The following VWA3B variants were observed in gnomAD, a reference collection of about 807,000 sequenced individuals.
VWA3B encodes the protein von Willebrand factor A domain containing 3B.
Under a neutral mutation model 158.3 loss-of-function variants are expected in VWA3B, and 138 were observed. The ratio of observed to expected loss-of-function variants is 0.87; its 90% CI spans 0.76 to 1.00. VWA3B has a LOEUF of 1.00. Ranked by LOEUF, VWA3B falls within the 50% of genes least tolerant of loss-of-function variation. The probability of loss-of-function intolerance (pLI) is 0.00; values close to 1 mark genes in which losing one functional copy is unlikely to be tolerated. For synonymous variants in VWA3B, 596 were observed against 587.3 expected (o/e 1.01, Z -0.21); for missense variants, 1,555 against 1,565.1 (o/e 0.99, Z 0.11).
intron 23 of VWA3B, chr2:98,291,675 T>A (rs1558767076): frequency 6.6e-6 from 1 of 152,266 alleles, no homozygotes; most frequent in Non-Finnish European, 1.5e-5. Context: ...ATGTCTCTGG[T>A]CCCTGGCTTC....
chr2:98,184,787 T>C (rs988632681), intron 9 of VWA3B, among the ~76,000 whole-genome samples: 1 of 152,230 alleles, frequency 6.6e-6, no homozygotes, highest in Non-Finnish European at 1.5e-5. Context: ...CCTGTGGACC[T>C]GGGGTGGGTG....
At chr2:98,108,544 C>T (rs1209680381) in intron 2 of VWA3B, among the ~76,000 whole-genome samples, 3 of 152,178 alleles carry the variant, frequency 2.0e-5, no homozygotes, top group African/African-American at 7.2e-5. Context: ...GTGATACATA[C>T]ACATTTAGGA....
rs146168435 is a variant in VWA3B at position 98,306,195 on chromosome 2, G to GC, written c.3521+2400dup. 9.2e-5 allele frequency among the ~76,000 whole-genome samples: 14 copies of GC among 151,814 alleles called. No individual in the cohort carries two copies. The East Asian group carries it at 1.4e-3, about 15-fold the overall frequency. ...CACCATGTGATGTCCCAGCACCCTA[G>GC]CCCCCCCAGGTAGTGAGGTGGCCCC... On this transcript the variant is annotated intron_variant, in intron 26 of 27. Coordinates refer to ENST00000477737, the MANE Select transcript of VWA3B (RefSeq NM_144992.5).
intron 3 of VWA3B, among the ~76,000 whole-genome samples, chr2:98,119,008 C>T (rs914260384): frequency 6.6e-6 from 1 of 152,060 alleles, no homozygotes; most frequent in East Asian, 1.9e-4. Context: ...GAGCTTCACC[C>T]GAGAGAGGAG....
intron 26 of VWA3B, among the ~76,000 whole-genome samples, chr2:98,305,718 G>C (rs544030088): frequency 3.4e-4 from 52 of 152,042 alleles, no homozygotes; most frequent in Non-Finnish European, 5.7e-4. Flanking sequence ...GCTGCTGCTT[G>C]TCCTTCACCT....
intron 22 of VWA3B, among the ~76,000 whole-genome samples, chr2:98,272,081 C>T (rs578083357): frequency 5.9e-5 from 9 of 152,320 alleles, no homozygotes; most frequent in African/African-American, 1.7e-4. Flanking sequence ...GTTGGTTCTC[C>T]TCCAATTCAA....
In VWA3B at chr2:98,244,229, A is replaced by G. The variant is rs917849362; in HGVS notation, c.2674-6089A>G. Reference sequence around the variant, plus strand: ...ACACTAACATTCAGTAATATAAATTACTACAGTTTAATTATTCCTCCCAAT... The same window carrying G: ...ACACTAACATTCAGTAATATAAATTGCTACAGTTTAATTATTCCTCCCAAT... On this transcript the variant is annotated intron_variant, in intron 19 of 27. Coordinates refer to ENST00000477737, the MANE Select transcript of VWA3B (RefSeq NM_144992.5). 3.9e-5 allele frequency among the ~76,000 whole-genome samples: 6 copies of G among 152,220 alleles called. No homozygotes were observed. The East Asian group carries it at 1.2e-3, about 29-fold the overall frequency.
At chr2:98,202,667 C>G (rs995141676) in intron 12 of VWA3B, among the ~76,000 whole-genome samples, 1 of 151,918 alleles carries the variant, frequency 6.6e-6, no homozygotes, top group Non-Finnish European at 1.5e-5. Flanking sequence ...TTGTTCAGTT[C>G]GAGATGTCAT....
rs1558775751 is a variant in VWA3B at position 98,300,168 on chromosome 2, T to A, written c.3372T>A (p.His1124Gln). The A allele has an allele frequency of 1.2e-6, 2 of 1,614,256 alleles. No homozygotes were observed. Among genetic ancestry groups the A allele is most frequent in the South Asian group, 1.1e-5 (1 of 91,090 alleles). The change falls in exon 25 of 28, where the codon CAT becomes CAA. Residue 1124 changes from histidine to glutamine, a missense_variant. Physicochemically the swap from His to Gln is conservative, Grantham distance 24. Transcript: ENST00000477737. ...TTGTCATAGCACTTCCCAATAAGCA[T>A]GTGGCCACAGAAAAATTCTACACAG... ...PAIVIALPNKHVATEKFYTVL... is the reference protein window; with the variant it reads ...PAIVIALPNKQVATEKFYTVL...
the VWA3B span, among the ~76,000 whole-genome samples, chr2:98,327,776 C>T: frequency 6.6e-6 from 1 of 152,162 alleles, no homozygotes; most frequent in Non-Finnish European, 1.5e-5. Context: ...CTGTCAGCAA[C>T]AAACTCAAAT....
rs773009669 is a variant in VWA3B, at chr2:98,192,895, TAGGATTAAATGGCTAC to T, written c.1470_1485del (p.Ile490MetfsTer25). ...ATTCACTTTCAACCTACTTCCTGCC[TAGGATTAAATGGCTAC>T]AGGATGGGAGTCAAAGCCTCTTTGG... On this transcript the variant is annotated splice_acceptor_variant and coding_sequence_variant, in exon 11 of 28. Transcript: ENST00000477737. LOFTEE classifies it high-confidence loss of function. 4 of 1,614,206 alleles carry T rather than the reference TAGGATTAAATGGCTAC, an allele frequency of 2.5e-6. No individual in the cohort carries two copies. In the East Asian group the frequency reaches 6.7e-5, roughly 27 times the overall value.
intron 2 of VWA3B, among the ~76,000 whole-genome samples, chr2:98,094,794 T>G (rs2104819955): frequency 6.6e-6 from 1 of 152,312 alleles, no homozygotes; most frequent in East Asian, 1.9e-4. Flanking sequence ...AGTTGATTTT[T>G]GTATATGGTG....
chr2:98,133,123 A>G (rs113351888), intron 6 of VWA3B, among the ~76,000 whole-genome samples: 3,120 of 152,274 alleles, frequency 0.02, 38 homozygotes, highest in Middle Eastern at 0.041. Flanking sequence ...CACCCTGTGC[A>G]CTACATCAGT....
At chr2:98,245,427 C>A (rs1686330593) in intron 19 of VWA3B, 2 of 395,910 alleles carry the variant, frequency 5.1e-6, no homozygotes, top group Admixed American at 3.1e-5. Context: ...ACGCAGCCAC[C>A]ATGTTGTAAA....
At chr2:98,210,503 T>C (rs1300879755) in intron 12 of VWA3B, among the ~76,000 whole-genome samples, 1 of 152,242 alleles carries the variant, frequency 6.6e-6, no homozygotes, top group African/African-American at 2.4e-5. Flanking sequence ...GTGGTACTTA[T>C]GTGCTTACTA....
chr2:98,121,597 T>C (rs1422956317), intron 5 of VWA3B, 139 bp downstream of exon 5: 1 of 1,150,472 alleles, frequency 8.7e-7, no homozygotes, highest in Non-Finnish European at 1.2e-6. Flanking sequence ...CATTGGGCAC[T>C]GATGGTGATG....
At chr2:98,266,400 T>G (rs1013258226) in intron 21 of VWA3B, among the ~76,000 whole-genome samples, 2 of 151,812 alleles carry the variant, frequency 1.3e-5, no homozygotes, top group African/African-American at 4.8e-5. Context: ...GTTCCATTGA[T>G]CTATATCTCT....
chr2:98,165,932 CCTG>C (rs1412458778), intron 8 of VWA3B, among the ~76,000 whole-genome samples: 1 of 152,170 alleles, frequency 6.6e-6, no homozygotes, highest in Non-Finnish European at 1.5e-5. Flanking sequence ...GAATGGGGAG[CCTG>C]CTGCTAAGGC....
intron 2 of VWA3B, among the ~76,000 whole-genome samples, chr2:98,102,887 T>C (rs1683184294): frequency 6.6e-6 from 1 of 152,216 alleles, no homozygotes; most frequent in African/African-American, 2.4e-5. Context: ...AAAATTCAAT[T>C]TATTTAATAA....
Sources: gnomAD v4.1 joint callset for allele counts (sites outside exome capture counted in the v4.1 genomes callset) on GRCh38, gnomAD v4.1.1 for gene constraint, MANE v1.5 for transcripts, NCBI Gene and HGNC (gene_info 2026-07-23, HGNC 2026-07-21) for gene names.